The following SLC25A26 variants were observed in gnomAD, a reference collection of about 807,000 sequenced individuals.
SLC25A26 encodes the protein solute carrier family 25 member 26.
Under a neutral mutation model 37.8 loss-of-function variants are expected in SLC25A26, and 36 were observed. That is an observed-to-expected ratio of 0.95 (90% CI 0.73 to 1.26). SLC25A26 has a LOEUF of 1.26. Ranked by LOEUF, SLC25A26 falls within the 50% of genes most tolerant of loss-of-function variation. The pLI, the probability that SLC25A26 is intolerant of heterozygous loss-of-function variation, is 0.00. For missense variants in SLC25A26, 390 were observed against 331.1 expected, an observed-to-expected ratio of 1.18 and a Z score of -1.38; for synonymous variants, 129 against 122.5, an observed-to-expected ratio of 1.05 and a Z score of -0.35.
At chr3:66,361,734 C>T (rs1024112978) in intron 6 of SLC25A26, among the ~76,000 whole-genome samples, 11 of 152,114 alleles carry the variant, frequency 7.2e-5, no homozygotes, top group African/African-American at 1.2e-4. Context: ...GAGGCTGAGG[C>T]GGGTGGATCG....
At chr3:66,175,193 C>T (rs953002151) in intron 1 of SLC25A26, among the ~76,000 whole-genome samples, 3 of 146,878 alleles carry the variant, frequency 2.0e-5, no homozygotes, top group Non-Finnish European at 4.5e-5. Flanking sequence ...CATATATATA[C>T]ACACACACAC....
chr3:66,318,285 G>T (rs1201296377), intron 5 of SLC25A26, among the ~76,000 whole-genome samples: 11 of 152,162 alleles, frequency 7.2e-5, no homozygotes, highest in Non-Finnish European at 4.4e-5. Context: ...CTGTGCTTAG[G>T]ACCCAAGGCC....
At chr3:66,376,456 G>C (rs1208316080) in intron 9 of SLC25A26, among the ~76,000 whole-genome samples, 2 of 152,174 alleles carry the variant, frequency 1.3e-5, no homozygotes, top group Non-Finnish European at 2.9e-5. Flanking sequence ...ACCCTGGTCA[G>C]TTAGCAGCCA....
intron 5 of SLC25A26, among the ~76,000 whole-genome samples, chr3:66,332,786 G>T (rs1030848262): frequency 6.6e-6 from 1 of 152,154 alleles, no homozygotes; most frequent in Non-Finnish European, 1.5e-5. Context: ...GAGAAAGCAG[G>T]TTCAGGCACA....
chr3:66,376,324 C>G (rs1190316574), intron 9 of SLC25A26, among the ~76,000 whole-genome samples: 2 of 152,088 alleles, frequency 1.3e-5, no homozygotes, highest in East Asian at 3.9e-4. Flanking sequence ...TGAAAGAGGT[C>G]CTACTGTGGG....
intron 1 of SLC25A26, among the ~76,000 whole-genome samples, chr3:66,194,621 T>C (rs1350565983): frequency 6.6e-6 from 1 of 152,222 alleles, no homozygotes; most frequent in African/African-American, 2.4e-5. Context: ...ACTCTTTTTT[T>C]GAGACGGAGT....
At position 66,209,901 on chromosome 3, in the gene SLC25A26, T is replaced by TAC. The variant is rs2071258209; in HGVS notation, c.-353-10840_-353-10839insCA. On this transcript the variant is annotated intron_variant, in intron 1 of 10. Coordinates refer to the SLC25A26 transcript ENST00000676754. Reference sequence around the variant, plus strand: ...ACTCCTCTCTCTCTCTCTCTATTTATATATATATATATATATATATATATA... The same window carrying TAC: ...ACTCCTCTCTCTCTCTCTCTATTTATACATATATATATATATATATATATATA... 4.7e-3 allele frequency among the ~76,000 whole-genome samples: 68 copies of TAC among 14,478 alleles called. 8 individuals are homozygous for TAC. The highest frequency in any genetic ancestry group is 0.017 in the African/African-American group (67 of 4,028). The allele number at this position is 14,478 out of a possible 152,430, so 9.5% of individuals were successfully genotyped here.
Position 66,314,715 on chromosome 3 carries a change from C to T in SLC25A26, c.454-31649C>T, listed in dbSNP as rs560521113. On this transcript the variant is annotated intron_variant, in intron 5 of 9. Transcript: ENST00000354883. Reference sequence around the variant, plus strand: ...AGAGTATCAGCTCCTGTTTATATTTCTGGTAGAATTCAGCTGTAAAACCGT... The same window carrying T: ...AGAGTATCAGCTCCTGTTTATATTTTTGGTAGAATTCAGCTGTAAAACCGT... Among the ~76,000 whole-genome samples the T allele has an allele frequency of 3.3e-5, 5 of 150,970 alleles. No homozygotes were observed. In the South Asian group the frequency reaches 1.0e-3, roughly 32 times the overall value.
upstream of SLC25A26, among the ~76,000 whole-genome samples, chr3:66,216,752 TGA>T (rs1448922519): frequency 7.7e-6 from 1 of 129,472 alleles, no homozygotes; most frequent in Admixed American, 8.6e-5. Context: ...TAGATTTAAG[TGA>T]GAAAGACAGG....
intron 1 of SLC25A26, among the ~76,000 whole-genome samples, chr3:66,147,716 G>T (rs939658548): frequency 2.6e-5 from 4 of 152,042 alleles, no homozygotes; most frequent in African/African-American, 9.7e-5. Context: ...CAATGTAAAA[G>T]CCTTCCCTTT....
At chr3:66,347,093 C>G (rs2076343944) in intron 6 of SLC25A26, among the ~76,000 whole-genome samples, 1 of 151,992 alleles carries the variant, frequency 6.6e-6, no homozygotes, top group South Asian at 2.1e-4. Flanking sequence ...ACATCAAAAG[C>G]AATTGCAACA....
intron 6 of SLC25A26, among the ~76,000 whole-genome samples, chr3:66,355,389 A>G (rs1450250592): frequency 1.3e-5 from 2 of 152,128 alleles, no homozygotes; most frequent in South Asian, 4.2e-4. Context: ...ATCCCAGAAC[A>G]GTTTCAGTCT....
chr3:66,179,130 TTC>T (rs1271554452), intron 1 of SLC25A26, among the ~76,000 whole-genome samples: 1 of 152,214 alleles, frequency 6.6e-6, no homozygotes, highest in African/African-American at 2.4e-5. Flanking sequence ...TGTCATATTT[TTC>T]TCTCTTACGC....
At chr3:66,242,191 C>T (rs1014601729) in intron 2 of SLC25A26, among the ~76,000 whole-genome samples, 3 of 152,114 alleles carry the variant, frequency 2.0e-5, no homozygotes, top group East Asian at 1.9e-4. Flanking sequence ...TCTCCCTTTT[C>T]TTGGGGGTTA....
intron 3 of SLC25A26, among the ~76,000 whole-genome samples, chr3:66,248,142 A>G (rs191369000): frequency 0.011 from 1,690 of 151,528 alleles, 33 homozygotes; most frequent in African/African-American, 0.04. Flanking sequence ...AAACTTAGAA[A>G]CAAAAGAACA....
chr3:66,309,889 T>C (rs933982978), intron 5 of SLC25A26, among the ~76,000 whole-genome samples: 5 of 152,214 alleles, frequency 3.3e-5, no homozygotes, highest in Non-Finnish European at 7.3e-5. Flanking sequence ...TCCATTATTT[T>C]GCATTTGCTG....
At chr3:66,340,932 A>G (rs1044025761) in intron 5 of SLC25A26, among the ~76,000 whole-genome samples, 5 of 152,056 alleles carry the variant, frequency 3.3e-5, no homozygotes, top group African/African-American at 1.2e-4. Flanking sequence ...CTATTTAGAA[A>G]TTCTGTTGGA....
At chr3:66,188,739 C>T (rs2070878833) in intron 1 of SLC25A26, among the ~76,000 whole-genome samples, 1 of 152,084 alleles carries the variant, frequency 6.6e-6, no homozygotes, top group Non-Finnish European at 1.5e-5. Context: ...TGGACTAAGA[C>T]ACTGACCTGG....
chr3:66,362,354 G>A (rs1453067840), intron 6 of SLC25A26, among the ~76,000 whole-genome samples: 1 of 152,196 alleles, frequency 6.6e-6, no homozygotes, highest in Admixed American at 6.5e-5. Flanking sequence ...TACTAATGAA[G>A]AAGAAGGCAA....
Sources: gnomAD v4.1 joint callset for allele counts (sites outside exome capture counted in the v4.1 genomes callset) on GRCh38, gnomAD v4.1.1 for gene constraint, MANE v1.5 for transcripts, NCBI Gene and HGNC (gene_info 2026-07-23, HGNC 2026-07-21) for gene names.